Variants in SUCLG2 observed in about 807,000 individuals in gnomAD.
SUCLG2 encodes the protein succinate-CoA ligase GDP-forming subunit beta.
Under a neutral mutation model 47.9 loss-of-function variants are expected in SUCLG2, and 42 were observed. The observed-to-expected ratio is 0.88, with a 90% confidence interval of 0.69 to 1.14. SUCLG2 has a LOEUF of 1.14. Ranked by LOEUF, SUCLG2 falls within the 50% of genes most tolerant of loss-of-function variation. The probability of loss-of-function intolerance (pLI) is 0.00; values close to 1 mark genes in which losing one functional copy is unlikely to be tolerated. For synonymous variants in SUCLG2, 195 were observed against 197.3 expected (o/e 0.99, Z 0.10); for missense variants, 571 against 525.9 (o/e 1.09, Z -0.84).
intron 1 of SUCLG2, among the ~76,000 whole-genome samples, chr3:67,651,003 C>A (rs577907704): frequency 6.6e-6 from 1 of 152,274 alleles, no homozygotes; most frequent in South Asian, 2.1e-4. Context: ...AAGTACTGCA[C>A]ACACTTTTCA....
At chr3:67,512,407 T>C (rs1393904201) in intron 6 of SUCLG2, among the ~76,000 whole-genome samples, 2 of 151,208 alleles carry the variant, frequency 1.3e-5, no homozygotes, top group East Asian at 3.9e-4. Flanking sequence ...CCTTGCAATG[T>C]GAGTTGCATG....
intron 1 of SUCLG2, among the ~76,000 whole-genome samples, chr3:67,635,945 T>C (rs925527086): frequency 6.6e-6 from 1 of 152,174 alleles, no homozygotes; most frequent in African/African-American, 2.4e-5. Context: ...AGATAGTTAC[T>C]AGCTATGCAA....
At chr3:67,422,381 A>G (rs563673651) in intron 9 of SUCLG2, among the ~76,000 whole-genome samples, 2 of 147,468 alleles carry the variant, frequency 1.4e-5, no homozygotes. Context: ...AGGCTGAGGC[A>G]GGAGAATCGC....
chr3:67,556,051 C>T (rs1226767352), intron 2 of SUCLG2, among the ~76,000 whole-genome samples: 1 of 152,152 alleles, frequency 6.6e-6, no homozygotes, highest in Non-Finnish European at 1.5e-5. Flanking sequence ...TGGATGGATC[C>T]AGGTTGAGAG....
intron 10 of SUCLG2, among the ~76,000 whole-genome samples, chr3:67,391,917 T>G (rs1169565631): frequency 6.6e-6 from 1 of 152,136 alleles, no homozygotes; most frequent in Non-Finnish European, 1.5e-5. Flanking sequence ...CCTTGCAAGG[T>G]AAGATGGACC....
At chr3:67,574,437 T>C (rs889012722) in intron 2 of SUCLG2, among the ~76,000 whole-genome samples, 10 of 152,228 alleles carry the variant, frequency 6.6e-5, no homozygotes, top group African/African-American at 1.9e-4. Context: ...TTATAGTCAA[T>C]TGATTTTTGG....
chr3:67,366,876 A>G (rs1701883424), intron 10 of SUCLG2, among the ~76,000 whole-genome samples: 1 of 152,206 alleles, frequency 6.6e-6, no homozygotes, highest in Admixed American at 6.5e-5. Context: ...TTTTCTAAGT[A>G]GCAAGCTTCA....
Position 67,495,956 on chromosome 3 carries a change from G to A in SUCLG2, c.920-16C>T. On this transcript the variant is annotated splice_polypyrimidine_tract_variant and intron_variant, in intron 8 of 10. Coordinates refer to ENST00000307227, the MANE Select transcript of SUCLG2 (RefSeq NM_003848.4). The stretch of plus-strand genomic sequence containing the variant: ...GCACCATTCACTGTGAAATGCAAAT[G>A]GGACACAAGACAGGCTACATTTAGC... 6.2e-7 allele frequency: 1 copy of A among 1,613,642 alleles called. No individual in the cohort carries two copies. The highest frequency in any genetic ancestry group is 8.5e-7 in the Non-Finnish European group (1 of 1,179,786).
intron 9 of SUCLG2, among the ~76,000 whole-genome samples, chr3:67,409,761 G>T (rs1236024963): frequency 6.6e-6 from 1 of 151,618 alleles, no homozygotes; most frequent in Non-Finnish European, 1.5e-5. Context: ...GTATGATTAG[G>T]TATATGTAAA....
rs1037661309 is a variant in SUCLG2, at chr3:67,360,677, G to A, written c.1275C>T (p.Val425=). The A allele has an allele frequency of 2.6e-5, 39 of 1,524,234 alleles. No homozygotes were observed. Among genetic ancestry groups the A allele is most frequent in the Non-Finnish European group, 3.3e-5 (38 of 1,139,316 alleles). 94.4% of individuals were successfully genotyped at this position (1,524,234 alleles called of 1,614,324 possible). A position where few individuals can be genotyped will look rare whatever the true frequency, so the allele number is the denominator to read the frequency against. The change falls in exon 11 of 11, where the codon GTC becomes GTT. Residue 425 remains valine (V), a synonymous_variant. Transcript: ENST00000493112. Reference sequence around the variant, plus strand: ...CACACTTACTCAGATTTTGGTGGGCGACGTTCTCTTGGATACCAGTTATAT... The same window carrying A: ...CACACTTACTCAGATTTTGGTGGGCAACGTTCTCTTGGATACCAGTTATAT...
At chr3:67,579,901 A>G (rs1707838250) in intron 2 of SUCLG2, among the ~76,000 whole-genome samples, 1 of 152,216 alleles carries the variant, frequency 6.6e-6, no homozygotes, top group South Asian at 2.1e-4. Context: ...ATTCTGAGAT[A>G]CATAAACAGA....
chr3:67,440,788 A>G (rs1420352650), intron 9 of SUCLG2, among the ~76,000 whole-genome samples: 1 of 152,242 alleles, frequency 6.6e-6, no homozygotes, highest in Non-Finnish European at 1.5e-5. Context: ...TAGGAGTGTA[A>G]ATTAGTTCAA....
intron 9 of SUCLG2, among the ~76,000 whole-genome samples, chr3:67,422,317 CA>C (rs1183460748): frequency 4.0e-5 from 6 of 149,830 alleles, no homozygotes; most frequent in Admixed American, 6.7e-5. Context: ...ACTAAAAATA[CA>C]AAAAAAATTA....
intron 8 of SUCLG2, among the ~76,000 whole-genome samples, chr3:67,496,975 T>C (rs1705360325): frequency 6.6e-6 from 1 of 152,168 alleles, no homozygotes; most frequent in Non-Finnish European, 1.5e-5. Context: ...ATCATAGATT[T>C]TGAGGCTGCT....
chr3:67,458,947 C>G (rs1037000071), intron 9 of SUCLG2, among the ~76,000 whole-genome samples: 3 of 152,172 alleles, frequency 2.0e-5, no homozygotes, highest in African/African-American at 7.2e-5. Flanking sequence ...GGTTAATCAC[C>G]TTTGAGACCC....
intron 10 of SUCLG2, among the ~76,000 whole-genome samples, chr3:67,362,847 C>T (rs1052877481): frequency 6.6e-6 from 1 of 152,190 alleles, no homozygotes; most frequent in Non-Finnish European, 1.5e-5. Flanking sequence ...AGCCTGTAAT[C>T]AGTGACTCAT....
At chr3:67,615,949 T>C (rs1442830231) in intron 1 of SUCLG2, among the ~76,000 whole-genome samples, 1 of 151,934 alleles carries the variant, frequency 6.6e-6, no homozygotes, top group Non-Finnish European at 1.5e-5. Context: ...CTATAATATA[T>C]TCTGACTGTG....
intron 9 of SUCLG2, among the ~76,000 whole-genome samples, chr3:67,421,886 TG>T (rs1321321129): frequency 6.6e-6 from 1 of 152,198 alleles, no homozygotes; most frequent in Non-Finnish European, 1.5e-5. Flanking sequence ...TAATTAAAAT[TG>T]GCTTTTTAAA....
rs187264935 is a variant in SUCLG2 at position 67,654,117 on chromosome 3, G to A, written c.84+386C>T. ...TGGTCTAAACGTGCTCAGGGTTAGT[G>A]CCAGAAGTTTGAAAAGCAGAATTAG... On this transcript the variant is annotated intron_variant, in intron 1 of 10. Transcript: ENST00000307227. Among the ~76,000 whole-genome samples, 139 of 152,318 alleles carry A rather than the reference G, an allele frequency of 9.1e-4. 1 individual carries two copies. Among genetic ancestry groups the A allele is most frequent in the Non-Finnish European group, 5.9e-5 (4 of 68,016 alleles).
Sources: gnomAD v4.1 joint callset for allele counts (sites outside exome capture counted in the v4.1 genomes callset) on GRCh38, gnomAD v4.1.1 for gene constraint, MANE v1.5 for transcripts, NCBI Gene and HGNC (gene_info 2026-07-23, HGNC 2026-07-21) for gene names.